TLK2: variants seen among roughly 807,000 people sequenced by gnomAD.
TLK2 encodes tousled like kinase 2, also known as serine/threonine-protein kinase tousled-like 2.
In TLK2, 6 loss-of-function variants were observed where a neutral mutation model predicts 117.3. The observed-to-expected ratio is 0.05, with a 90% CI of 0.03 to 0.10. The LOEUF (loss-of-function observed/expected upper bound fraction) is 0.10. Ranked by LOEUF, TLK2 falls within the 10% of genes least tolerant of loss-of-function variation. The pLI is 1.00. For missense variants in TLK2, 299 were observed against 901.2 expected (o/e 0.33, Z 8.56); for synonymous variants, 257 against 316.7 (o/e 0.81, Z 2.00).
intron 12 of TLK2, among the ~76,000 whole-genome samples, chr17:62,573,684 A>G (rs1240721818): frequency 2.0e-5 from 3 of 152,346 alleles, no homozygotes; most frequent in African/African-American, 7.2e-5. Flanking sequence ...ATGTGGCTGC[A>G]GGGTGTGGTA....
intron 12 of TLK2, among the ~76,000 whole-genome samples, chr17:62,574,607 C>G (rs748094396): frequency 4.0e-5 from 6 of 151,880 alleles, no homozygotes; most frequent in Non-Finnish European, 7.4e-5. Flanking sequence ...AACCTGTCTT[C>G]TGGGTTCAAG....
intron 2 of TLK2, among the ~76,000 whole-genome samples, chr17:62,481,744 A>G (rs2071676816): frequency 6.6e-6 from 1 of 152,164 alleles, no homozygotes; most frequent in Non-Finnish European, 1.5e-5. Context: ...ACGGGCACGT[A>G]TGAAGTTAAG....
At chr17:62,541,800 C>T (rs985973992) in intron 7 of TLK2, among the ~76,000 whole-genome samples, 31 of 151,796 alleles carry the variant, frequency 2.0e-4, no homozygotes, top group Non-Finnish European at 2.9e-4. Flanking sequence ...AGAGATTGCA[C>T]CACTGCACTC....
At chr17:62,526,982 G>A (rs537425193) in intron 6 of TLK2, among the ~76,000 whole-genome samples, 10 of 152,234 alleles carry the variant, frequency 6.6e-5, no homozygotes, top group African/African-American at 9.6e-5. Context: ...AAGCTCCTGC[G>A]TGATCTGTGC....
intron 12 of TLK2, among the ~76,000 whole-genome samples, chr17:62,574,619 G>A (rs769567676): frequency 8.0e-4 from 121 of 151,944 alleles, no homozygotes; most frequent in Middle Eastern, 3.2e-3. Flanking sequence ...GGGTTCAAGC[G>A]TTTCTCCTGC....
At chr17:62,572,296 A>C (rs1184101371) in intron 11 of TLK2, among the ~76,000 whole-genome samples, 1 of 152,140 alleles carries the variant, frequency 6.6e-6, no homozygotes, top group Non-Finnish European at 1.5e-5. Context: ...TTGATTGTCA[A>C]TTATAGTGGG....
chr17:62,585,152 C>T (rs1234203092), intron 15 of TLK2, among the ~76,000 whole-genome samples: 1 of 152,206 alleles, frequency 6.6e-6, no homozygotes, highest in Non-Finnish European at 1.5e-5. Flanking sequence ...GCAGGACTTG[C>T]TGGCAGTGGT....
intron 9 of TLK2, among the ~76,000 whole-genome samples, chr17:62,559,237 G>A (rs944780225): frequency 1.2e-4 from 19 of 152,034 alleles, no homozygotes; most frequent in Non-Finnish European, 2.4e-4. Flanking sequence ...TGGCTTCTCT[G>A]GTGAGGAACA....
Position 62,614,863 on chromosome 17 carries a change from G to C in TLK2, c.*2298G>C, listed in dbSNP as rs2084018241. The C allele has an allele frequency of 1.3e-5, 2 of 152,164 alleles. No homozygotes were observed. Among genetic ancestry groups the C allele is most frequent in the South Asian group, 4.1e-4 (2 of 4,836 alleles). 9.4% of individuals were successfully genotyped at this position (152,164 alleles called of 1,614,324 possible). On this transcript the variant is annotated 3_prime_UTR_variant, in exon 22 of 22. Coordinates refer to ENST00000346027, the MANE Select transcript of TLK2 (RefSeq NM_006852.6). ...GATGGTGTCTGCATAATGAAGACAT[G>C]GATGAAGCTGAGACCGTGTTCAAAC...
intron 2 of TLK2, among the ~76,000 whole-genome samples, chr17:62,516,089 T>C (rs1289853171): frequency 6.6e-6 from 1 of 151,930 alleles, no homozygotes; most frequent in African/African-American, 2.4e-5. Flanking sequence ...CACGCCCAGC[T>C]AATTTTTGTA....
In TLK2 at chr17:62,574,756, T is replaced by A. The variant is rs148747673; in HGVS notation, c.1121+1389T>A. Among the ~76,000 whole-genome samples, 1,008 of 152,170 alleles carry A rather than the reference T, an allele frequency of 6.6e-3. 12 individuals are homozygous for A. The highest frequency in any genetic ancestry group is 0.023 in the African/African-American group (961 of 41,512). ...GTCTTGAACTCCTGACCTCAAATGATCCACCCTCCTCGGCCTCCCAAAGTG... is the reference window on the plus strand; with the variant it reads ...GTCTTGAACTCCTGACCTCAAATGAACCACCCTCCTCGGCCTCCCAAAGTG... On this transcript the variant is annotated intron_variant, in intron 12 of 21. Coordinates refer to ENST00000346027, the MANE Select transcript of TLK2 (RefSeq NM_006852.6).
intron 16 of TLK2, among the ~76,000 whole-genome samples, chr17:62,587,716 C>T (rs2081732561): frequency 1.3e-5 from 2 of 152,116 alleles, no homozygotes; most frequent in Non-Finnish European, 2.9e-5. Flanking sequence ...TCCAGATGCT[C>T]CTGAGGAGCA....
chr17:62,561,794 C>T (rs1279459018), intron 10 of TLK2, among the ~76,000 whole-genome samples: 3 of 152,164 alleles, frequency 2.0e-5, no homozygotes, highest in African/African-American at 7.2e-5. Flanking sequence ...AAAATATATG[C>T]TAATCCAGAT....
At chr17:62,499,708 G>A (rs567348630) in intron 2 of TLK2, among the ~76,000 whole-genome samples, 61 of 151,966 alleles carry the variant, frequency 4.0e-4, no homozygotes, top group African/African-American at 1.4e-3. Flanking sequence ...AAAATTAGCC[G>A]GGCATGGTGG....
intron 2 of TLK2, among the ~76,000 whole-genome samples, chr17:62,502,552 C>T (rs1223236119): frequency 6.6e-6 from 1 of 152,008 alleles, no homozygotes; most frequent in African/African-American, 2.4e-5. Flanking sequence ...TGAAATAAGA[C>T]AAGTAAAAGG....
chr17:62,471,388 A>T (rs893898294), intron 1 of TLK2, among the ~76,000 whole-genome samples: 1 of 152,196 alleles, frequency 6.6e-6, no homozygotes, highest in African/African-American at 2.4e-5. Context: ...CTGTCTTGTG[A>T]GGTTTTTCTC....
At chr17:62,504,220 T>C (rs1413162782) in intron 2 of TLK2, among the ~76,000 whole-genome samples, 1 of 152,168 alleles carries the variant, frequency 6.6e-6, no homozygotes, top group Non-Finnish European at 1.5e-5. Context: ...ATAATCTTCA[T>C]TGAGCACCAA....
chr17:62,494,968 C>G (rs1173653042), intron 2 of TLK2, among the ~76,000 whole-genome samples: 2 of 152,164 alleles, frequency 1.3e-5, no homozygotes, highest in Non-Finnish European at 2.9e-5. Flanking sequence ...GAGTTTAAGA[C>G]CAGCCTGGCC....
intron 19 of TLK2, among the ~76,000 whole-genome samples, chr17:62,604,736 C>G (rs958076369): frequency 6.6e-6 from 1 of 150,982 alleles, no homozygotes; most frequent in Non-Finnish European, 1.5e-5. Flanking sequence ...TGGTGAAACC[C>G]CGTGTATACT....
Sources: gnomAD v4.1 joint callset for allele counts (sites outside exome capture counted in the v4.1 genomes callset) on GRCh38, gnomAD v4.1.1 for gene constraint, MANE v1.5 for transcripts, NCBI Gene and HGNC (gene_info 2026-07-23, HGNC 2026-07-21) for gene names.